The following IL7 variants were observed in gnomAD, a reference collection of about 807,000 sequenced individuals.
IL7 encodes interleukin-7.
A neutral mutation model predicts 21.6 loss-of-function variants in IL7; 3 were observed. That is an observed-to-expected ratio of 0.14 (90% CI 0.06 to 0.36). The LOEUF is 0.36. Ranked by LOEUF, IL7 falls within the 10% of genes least tolerant of loss-of-function variation. The pLI, the probability that IL7 is intolerant of heterozygous loss-of-function variation, is 1.00. For missense variants in IL7, 175 were observed against 200.2 expected, an observed-to-expected ratio of 0.87 and a Z score of 0.76; for synonymous variants, 62 against 68.1, an observed-to-expected ratio of 0.91 and a Z score of 0.44.
intron 2 of IL7, among the ~76,000 whole-genome samples, chr8:78,754,677 G>A (rs539731626): frequency 1.8e-4 from 28 of 152,112 alleles, no homozygotes; most frequent in Non-Finnish European, 4.0e-4. Flanking sequence ...TCAGGTTTTT[G>A]TTGTTGTTTT....
At chr8:78,677,499 T>G (rs1221255716) in intron 4 of IL7, among the ~76,000 whole-genome samples, 1 of 152,192 alleles carries the variant, frequency 6.6e-6, no homozygotes, top group Admixed American at 6.5e-5. Context: ...TGTCCTATTA[T>G]TTTGTGTTAA....
chr8:78,759,400 G>C (rs569035309), intron 2 of IL7, among the ~76,000 whole-genome samples: 4 of 145,778 alleles, frequency 2.7e-5, no homozygotes, highest in South Asian at 2.1e-4. Flanking sequence ...GTAGATAAGA[G>C]TCATGGAAAA....
intron 3 of IL7, among the ~76,000 whole-genome samples, chr8:78,727,073 A>G (rs959688921): frequency 1.3e-5 from 2 of 151,988 alleles, no homozygotes; most frequent in East Asian, 3.9e-4. Flanking sequence ...AAGGACTGGT[A>G]CATCTGTGGG....
intron 3 of IL7, among the ~76,000 whole-genome samples, chr8:78,724,742 CCT>C (rs1198593512): frequency 6.6e-6 from 1 of 151,834 alleles, no homozygotes; most frequent in Non-Finnish European, 1.5e-5. Flanking sequence ...AGCTTTATAC[CCT>C]CTCTGAGGCA....
At chr8:78,744,418 T>C (rs1384353048) in intron 2 of IL7, among the ~76,000 whole-genome samples, 2 of 152,202 alleles carry the variant, frequency 1.3e-5, no homozygotes, top group Admixed American at 6.5e-5. Context: ...CCCGATCGGT[T>C]TGGACTCTTC....
chr8:78,733,665 G>T lies in IL7; in HGVS notation c.*48C>A. On this transcript the variant is annotated 3_prime_UTR_variant, in exon 6 of 6. Transcript: ENST00000263851. ...AAACTGCATAAGCAGATAGATTCTT[G>T]GAGGATGCAGCTAAAGTTCGTGTTT... 1 of 1,575,548 alleles carries T rather than the reference G, an allele frequency of 6.3e-7. No homozygotes were observed. Among genetic ancestry groups the T allele is most frequent in the Non-Finnish European group, 8.6e-7 (1 of 1,161,972 alleles).
intron 3 of IL7, among the ~76,000 whole-genome samples, chr8:78,699,080 A>G (rs180690842): frequency 3.7e-4 from 57 of 152,286 alleles, no homozygotes; most frequent in African/African-American, 1.3e-3. Flanking sequence ...AAATCTATAA[A>G]GGGATATTTT....
intron 5 of IL7, among the ~76,000 whole-genome samples, chr8:78,734,464 G>A (rs1811506809): frequency 6.6e-6 from 1 of 152,188 alleles, no homozygotes; most frequent in African/African-American, 2.4e-5. Context: ...TCTGACCTGT[G>A]AGAATGGGAA....
At chr8:78,701,610 A>G (rs1265994809) in intron 3 of IL7, among the ~76,000 whole-genome samples, 2 of 152,202 alleles carry the variant, frequency 1.3e-5, no homozygotes, top group Admixed American at 6.5e-5. Flanking sequence ...TTTCCCATTC[A>G]GTATGATGTT....
chr8:78,788,359 T>G (rs1813580208), intron 2 of IL7, among the ~76,000 whole-genome samples: 1 of 152,124 alleles, frequency 6.6e-6, no homozygotes, highest in Non-Finnish European at 1.5e-5. Flanking sequence ...TATATCTTTT[T>G]CTTTTCTTTC....
intron 3 of IL7, among the ~76,000 whole-genome samples, chr8:78,700,165 A>G (rs1184665702): frequency 6.6e-6 from 1 of 152,112 alleles, no homozygotes; most frequent in Non-Finnish European, 1.5e-5. Flanking sequence ...CATTCTGACT[A>G]GTGTGAGATA....
intron 1 of IL7, among the ~76,000 whole-genome samples, chr8:78,800,721 T>C (rs1814025991): frequency 6.6e-6 from 1 of 152,238 alleles, no homozygotes; most frequent in South Asian, 2.1e-4. Context: ...ATACTTTTTA[T>C]TTTCTCTGTC....
At chr8:78,733,900 T>A in intron 5 of IL7, 68 bp from the exon 6 acceptor site, 1 of 1,081,550 alleles carries the variant, frequency 9.2e-7, no homozygotes, top group Non-Finnish European at 1.2e-6. Flanking sequence ...AAAATACTAT[T>A]TTTCATCATA....
At chr8:78,720,741 T>G (rs1191949249) in intron 5 of IL7, among the ~76,000 whole-genome samples, 2 of 151,976 alleles carry the variant, frequency 1.3e-5, no homozygotes, top group Non-Finnish European at 2.9e-5. Context: ...TTACACTTCA[T>G]GATATTTTGT....
intron 2 of IL7, chr8:78,760,910 T>A (rs1812531798): frequency 5.1e-6 from 8 of 1,560,652 alleles, no homozygotes; most frequent in Non-Finnish European, 6.1e-6. Context: ...AAAGAAGACA[T>A]CAGAGGTTTG....
At chr8:78,725,928 G>C (rs1221066362) in intron 3 of IL7, among the ~76,000 whole-genome samples, 1 of 151,790 alleles carries the variant, frequency 6.6e-6, no homozygotes, top group Non-Finnish European at 1.5e-5. Context: ...TTCCCACCAG[G>C]CACTATTTTA....
At chr8:78,695,171 A>C (rs1810357170) in intron 3 of IL7, among the ~76,000 whole-genome samples, 1 of 152,194 alleles carries the variant, frequency 6.6e-6, no homozygotes, top group African/African-American at 2.4e-5. Context: ...TGTCTAAAGT[A>C]ATGGGAAATA....
chr8:78,697,582 A>AT, intron 3 of IL7: 1 of 998,222 alleles, frequency 1.0e-6, no homozygotes, highest in Non-Finnish European at 1.5e-6. Flanking sequence ...ATAGTGGTCT[A>AT]TTCTGGAATA....
At chr8:78,764,807 T>C (rs1812700908) in intron 2 of IL7, among the ~76,000 whole-genome samples, 1 of 152,124 alleles carries the variant, frequency 6.6e-6, no homozygotes, top group Non-Finnish European at 1.5e-5. Context: ...CAGGAAGTTA[T>C]TTTGTAGAAA....
Sources: allele counts gnomAD v4.1 joint callset (sites outside exome capture counted in the v4.1 genomes callset), GRCh38; gene constraint gnomAD v4.1.1; transcripts MANE v1.5; gene names NCBI Gene and HGNC (gene_info 2026-07-23, HGNC 2026-07-21).